Variants in VDAC1 observed in about 807,000 individuals in gnomAD.
VDAC1 encodes the protein voltage dependent anion channel 1.
VDAC1 carries 10 observed loss-of-function variants against 34.7 expected under a neutral mutation model. That is an observed-to-expected ratio of 0.29 (90% CI 0.18 to 0.49). The LOEUF (loss-of-function observed/expected upper bound fraction) is 0.49. Ranked by LOEUF, VDAC1 falls within the 20% of genes least tolerant of loss-of-function variation. VDAC1 has a pLI of 0.99. For missense variants in VDAC1, 230 were observed against 347.9 expected (o/e 0.66, Z 2.69); for synonymous variants, 130 against 136.0 (o/e 0.96, Z 0.30).
At chr5:134,074,759 G>A in the VDAC1 span, among the ~76,000 whole-genome samples, 2 of 152,044 alleles carry the variant, frequency 1.3e-5, no homozygotes, top group African/African-American at 4.8e-5. Context: ...GAAGAACAAT[G>A]CTTACCCTGC....
At chr5:134,107,281 G>A in the VDAC1 span, among the ~76,000 whole-genome samples, 2 of 152,232 alleles carry the variant, frequency 1.3e-5, no homozygotes, top group Admixed American at 6.5e-5. Context: ...TCCCTCCCTA[G>A]AGAGCCCCCA....
chr5:134,109,954 G>A, the VDAC1 span, among the ~76,000 whole-genome samples: 1 of 152,152 alleles, frequency 6.6e-6, no homozygotes, highest in Non-Finnish European at 1.5e-5. Context: ...CTAGGACCTG[G>A]CACACAGTGG....
chr5:133,992,835 A>G, intron 2 of VDAC1, 111 bp downstream of exon 2: 1 of 1,041,468 alleles, frequency 9.6e-7, no homozygotes, highest in Non-Finnish European at 1.4e-6. Flanking sequence ...CCCTCACGTG[A>G]AAGTTCAGAA....
At chr5:133,976,175 A>C in intron 6 of VDAC1, 154 bp from the exon 7 acceptor site, 1 of 840,784 alleles carries the variant, frequency 1.2e-6, no homozygotes, top group Non-Finnish European at 1.8e-6. Flanking sequence ...AAATTTCACA[A>C]AACAGGTACT....
intron 5 of VDAC1, among the ~76,000 whole-genome samples, chr5:133,986,358 A>T (rs1257482481): frequency 6.6e-6 from 1 of 151,846 alleles, no homozygotes; most frequent in African/African-American, 2.4e-5. Context: ...CTTTCCTCAA[A>T]TACCCAGTAG....
the VDAC1 span, among the ~76,000 whole-genome samples, chr5:134,085,916 G>A: frequency 6.6e-6 from 1 of 151,702 alleles, no homozygotes; most frequent in Non-Finnish European, 1.5e-5. Context: ...AAAAAGGCTG[G>A]GTGCAGTGGC....
chr5:134,007,459 A>T (rs3776842), upstream of VDAC1, among the ~76,000 whole-genome samples: 87,888 of 151,572 alleles, frequency 0.58, 25,673 homozygotes, highest in Admixed American at 0.61. Flanking sequence ...GTAATTTTTT[A>T]AAAAACAAAA....
the VDAC1 span, among the ~76,000 whole-genome samples, chr5:134,029,937 C>T: frequency 5.3e-5 from 8 of 152,098 alleles, no homozygotes; most frequent in Non-Finnish European, 7.4e-5. Flanking sequence ...TTTGATATTG[C>T]GCTACAGTAA....
the VDAC1 span, among the ~76,000 whole-genome samples, chr5:134,065,927 G>A: frequency 1.3e-5 from 2 of 150,780 alleles, no homozygotes; most frequent in Admixed American, 1.3e-4. Context: ...CCGAGTAGCT[G>A]GGATTACAGG....
intron 6 of VDAC1, 86 bp downstream of exon 6, chr5:133,980,643 A>C: frequency 3.9e-6 from 4 of 1,027,882 alleles, no homozygotes; most frequent in Non-Finnish European, 5.5e-6. Flanking sequence ...TTAAAAAAAA[A>C]AAAAAAAAAA....
chr5:134,078,255 C>T, the VDAC1 span, among the ~76,000 whole-genome samples: 2 of 152,126 alleles, frequency 1.3e-5, no homozygotes, highest in Admixed American at 1.3e-4. Flanking sequence ...CTGAGCTGCA[C>T]ACACAGACAG....
chr5:133,993,800 A>G (rs1037043251), intron 1 of VDAC1, among the ~76,000 whole-genome samples: 2 of 152,234 alleles, frequency 1.3e-5, no homozygotes, highest in Non-Finnish European at 2.9e-5. Flanking sequence ...TCGGTGTTCA[A>G]GGAAGGAGAG....
upstream of VDAC1, among the ~76,000 whole-genome samples, chr5:134,008,840 A>G (rs1451804389): frequency 6.6e-6 from 1 of 152,226 alleles, no homozygotes; most frequent in Admixed American, 6.5e-5. Flanking sequence ...GCATTGTCAT[A>G]AAACCTAACT....
chr5:134,092,863 C>G, the VDAC1 span, among the ~76,000 whole-genome samples: 7 of 152,176 alleles, frequency 4.6e-5, no homozygotes, highest in Admixed American at 6.5e-5. Context: ...GATTTGCACG[C>G]AAGTCTTCCC....
the VDAC1 span, among the ~76,000 whole-genome samples, chr5:134,034,224 A>C: frequency 6.6e-6 from 1 of 152,020 alleles, no homozygotes. Flanking sequence ...ATGTTAGTAT[A>C]TTTGTTTTTC....
the VDAC1 span, among the ~76,000 whole-genome samples, chr5:134,095,786 G>A: frequency 1.3e-5 from 2 of 152,198 alleles, no homozygotes; most frequent in Non-Finnish European, 2.9e-5. Flanking sequence ...TAAATCAAAC[G>A]TAAAGTGCAG....
intron 1 of VDAC1, among the ~76,000 whole-genome samples, chr5:134,003,373 G>A (rs1335206824): frequency 1.3e-5 from 2 of 152,184 alleles, no homozygotes; most frequent in African/African-American, 4.8e-5. Context: ...CAGGAGAGGG[G>A]AGGCTAGTCA....
the VDAC1 span, among the ~76,000 whole-genome samples, chr5:134,028,052 T>G: frequency 4.6e-5 from 7 of 151,332 alleles, no homozygotes; most frequent in Non-Finnish European, 8.8e-5. Flanking sequence ...ATTACAGGCA[T>G]GAGCCACTGT....
chr5:134,020,103 G>A, the VDAC1 span, among the ~76,000 whole-genome samples: 36 of 151,908 alleles, frequency 2.4e-4, no homozygotes, highest in African/African-American at 8.2e-4. Context: ...GGGGTATGCT[G>A]ACCATCAGGA....
Sources: gnomAD v4.1 joint callset for allele counts (sites outside exome capture counted in the v4.1 genomes callset) on GRCh38, gnomAD v4.1.1 for gene constraint, MANE v1.5 for transcripts, NCBI Gene and HGNC (gene_info 2026-07-23, HGNC 2026-07-21) for gene names.